PCDH15: variants seen among roughly 807,000 people sequenced by gnomAD.
PCDH15 encodes protocadherin-15.
PCDH15 carries 129 observed loss-of-function variants against 178.5 expected under a neutral mutation model. The observed-to-expected ratio is 0.72, with a 90% CI of 0.63 to 0.84. The LOEUF is 0.84. Ranked by LOEUF, PCDH15 falls within the 40% of genes least tolerant of loss-of-function variation. The pLI, the probability that PCDH15 is intolerant of heterozygous loss-of-function variation, is 0.00. For missense variants in PCDH15, 2,230 were observed against 2,099.9 expected, an observed-to-expected ratio of 1.06 and a Z score of -1.21; for synonymous variants, 800 against 732.0, an observed-to-expected ratio of 1.09 and a Z score of -1.50.
At chr10:55,528,007 T>C (rs1841342406) in intron 2 of PCDH15, among the ~76,000 whole-genome samples, 1 of 151,964 alleles carries the variant, frequency 6.6e-6, no homozygotes, top group Non-Finnish European at 1.5e-5. Flanking sequence ...CTCAACTAGC[T>C]GCTACCTGAG....
rs1178611559 is a variant in PCDH15, at chr10:55,381,265, T to C, written c.-155-214614A>G. On this transcript the variant is annotated intron_variant, in intron 2 of 5. Coordinates refer to the PCDH15 transcript ENST00000613346. ...AATCAATAGTATCAAACAATGAGGA[T>C]GTAGAGCTTTGGATTGACCAAAACC... 2.6e-5 allele frequency among the ~76,000 whole-genome samples: 4 copies of C among 152,154 alleles called. No homozygotes were observed. In the East Asian group the frequency reaches 5.8e-4, roughly 22 times the overall value.
intron 6 of PCDH15, among the ~76,000 whole-genome samples, chr10:54,330,377 T>C (rs540439243): frequency 6.6e-6 from 1 of 151,946 alleles, no homozygotes; most frequent in Non-Finnish European, 1.5e-5. Flanking sequence ...CTGAATGCTA[T>C]AGGCAATTGT....
chr10:53,962,007 C>T, intron 21 of PCDH15, 115 bp from the exon 22 acceptor site: 1 of 832,884 alleles, frequency 1.2e-6, no homozygotes, highest in East Asian at 2.7e-5. Flanking sequence ...AATCATATTT[C>T]CATATTTTCA....
chr10:53,867,991 A>AT (rs2079571964), intron 26 of PCDH15, among the ~76,000 whole-genome samples: 1 of 151,902 alleles, frequency 6.6e-6, no homozygotes, highest in Non-Finnish European at 1.5e-5. Flanking sequence ...CATTGTTTAG[A>AT]TTTTTTTCAT....
At chr10:55,069,960 G>T in intron 2 of PCDH15, among the ~76,000 whole-genome samples, 1 of 152,056 alleles carries the variant, frequency 6.6e-6, no homozygotes, top group African/African-American at 2.4e-5. Context: ...ACTTTTTAAT[G>T]ATTGCCATTC....
At chr10:54,316,502 G>A (rs183578500) in intron 8 of PCDH15, among the ~76,000 whole-genome samples, 3 of 148,594 alleles carry the variant, frequency 2.0e-5, no homozygotes, top group East Asian at 4.2e-4. Context: ...CCTAGACCAC[G>A]GAATTTTTAA....
chr10:54,864,935 G>T (rs557501162), intron 3 of PCDH15: 1 of 152,108 alleles, frequency 6.6e-6, no homozygotes, highest in Non-Finnish European at 1.5e-5. Context: ...TCCAAAGAGA[G>T]GTAATTAAAG....
At chr10:55,401,400 T>G (rs1838060346) in intron 2 of PCDH15, among the ~76,000 whole-genome samples, 1 of 152,050 alleles carries the variant, frequency 6.6e-6, no homozygotes. Flanking sequence ...TGGGAGGAAT[T>G]TGGCCATAGA....
intron 2 of PCDH15, among the ~76,000 whole-genome samples, chr10:55,088,088 T>C (rs1842220777): frequency 6.6e-6 from 1 of 152,158 alleles, no homozygotes; most frequent in Non-Finnish European, 1.5e-5. Context: ...TGTCTGGCTT[T>C]CTTAATTCTA....
intron 1 of PCDH15, among the ~76,000 whole-genome samples, chr10:55,262,137 GA>G (rs1394747087): frequency 8.9e-6 from 1 of 112,158 alleles, no homozygotes; most frequent in Non-Finnish European, 1.7e-5. Context: ...AAAGAAAGAT[GA>G]AGGAAGGAGT....
At chr10:53,990,762 G>A (rs927892884) in intron 21 of PCDH15, among the ~76,000 whole-genome samples, 3 of 152,038 alleles carry the variant, frequency 2.0e-5, no homozygotes, top group African/African-American at 4.8e-5. Flanking sequence ...CCCTCTCTGG[G>A]CTGGCTGAGG....
At chr10:54,928,144 C>A (rs1837678378) in intron 2 of PCDH15, among the ~76,000 whole-genome samples, 1 of 152,106 alleles carries the variant, frequency 6.6e-6, no homozygotes, top group Admixed American at 6.6e-5. Flanking sequence ...GTAACAAAGT[C>A]TCTCAGCATT....
intron 2 of PCDH15, among the ~76,000 whole-genome samples, chr10:55,585,894 C>A (rs1005150979): frequency 6.6e-6 from 1 of 151,998 alleles, no homozygotes; most frequent in African/African-American, 2.4e-5. Context: ...TTCTGCCAGG[C>A]AATTGTTGAT....
intron 14 of PCDH15, among the ~76,000 whole-genome samples, chr10:54,146,210 T>C (rs1051627952): frequency 6.6e-6 from 1 of 151,944 alleles, no homozygotes; most frequent in Non-Finnish European, 1.5e-5. Context: ...AAAGAGAAAA[T>C]TGTATTTTAA....
intron 3 of PCDH15, among the ~76,000 whole-genome samples, chr10:54,835,917 C>T (rs1369939760): frequency 6.6e-6 from 1 of 151,922 alleles, no homozygotes; most frequent in Non-Finnish European, 1.5e-5. Flanking sequence ...AACAAACAGA[C>T]ATCACAAAAT....
intron 2 of PCDH15, among the ~76,000 whole-genome samples, chr10:55,525,473 AC>A (rs1028896851): frequency 6.6e-6 from 1 of 151,848 alleles, no homozygotes; most frequent in African/African-American, 2.4e-5. Flanking sequence ...TATATATTAA[AC>A]ACTTTAAATT....
intron 1 of PCDH15, among the ~76,000 whole-genome samples, chr10:55,177,338 G>C (rs1476337171): frequency 6.6e-6 from 1 of 152,142 alleles, no homozygotes; most frequent in East Asian, 1.9e-4. Flanking sequence ...TTGACCAATT[G>C]AAACAAGCCT....
intron 15 of PCDH15, among the ~76,000 whole-genome samples, chr10:54,102,026 C>G (rs184759873): frequency 3.4e-4 from 51 of 152,148 alleles, no homozygotes; most frequent in African/African-American, 1.2e-3. Context: ...TTAAAATAGT[C>G]TCTAAATACT....
intron 2 of PCDH15, among the ~76,000 whole-genome samples, chr10:55,464,325 C>T (rs1839782598): frequency 6.6e-6 from 1 of 151,652 alleles, no homozygotes; most frequent in East Asian, 1.9e-4. Context: ...TTTTTTCCTC[C>T]AAGAAGTTGT....
Sources: gnomAD v4.1 joint callset for allele counts (sites outside exome capture counted in the v4.1 genomes callset) on GRCh38, gnomAD v4.1.1 for gene constraint, MANE v1.5 for transcripts, NCBI Gene and HGNC (gene_info 2026-07-23, HGNC 2026-07-21) for gene names.